Variants in DDC observed in about 807,000 individuals in gnomAD.
The protein encoded by DDC is aromatic-L-amino-acid decarboxylase.
In DDC, 43 loss-of-function variants were observed where a neutral mutation model predicts 60.0. The observed-to-expected ratio is 0.72, with a 90% CI of 0.56 to 0.92. The LOEUF (loss-of-function observed/expected upper bound fraction) is 0.92, where lower values mean the gene tolerates loss of function less well. DDC is among the 40% of genes least tolerant of loss of function. The pLI, the probability that DDC is intolerant of heterozygous loss-of-function variation, is 0.00. For synonymous variants in DDC, 232 were observed against 234.6 expected, an observed-to-expected ratio of 0.99 and a Z score of 0.10; for missense variants, 573 against 620.2, an observed-to-expected ratio of 0.92 and a Z score of 0.81.
At chr7:50,529,364 A>G (rs2044133284) in intron 4 of DDC, 22 bp from the exon 5 acceptor site, 1 of 1,614,098 alleles carries the variant, frequency 6.2e-7, no homozygotes, top group Non-Finnish European at 8.5e-7. Flanking sequence ...AGAAGGTCCA[A>G]ATGAAATCCC....
In DDC at chr7:50,534,521, C is replaced by T. The variant is rs372546887; in HGVS notation, c.435+3339G>A. On this transcript the variant is annotated intron_variant, in intron 4 of 14. Coordinates refer to ENST00000444124, the MANE Select transcript of DDC (RefSeq NM_001082971.2). ...GCTGAGGCAGGAGAATGGCTTGAAC[C>T]GGGAGGCAGTGGTTGCAGTGAGCTG... Among the ~76,000 whole-genome samples, 14 of 152,072 alleles carry T rather than the reference C, an allele frequency of 9.2e-5. No individual in the cohort carries two copies. The South Asian group carries it at 1.9e-3, about 20-fold the overall frequency.
intron 9 of DDC, among the ~76,000 whole-genome samples, chr7:50,485,782 T>C (rs1387795673): frequency 2.6e-5 from 4 of 152,184 alleles, no homozygotes; most frequent in Admixed American, 2.6e-4. Context: ...AAAAAGCCTC[T>C]GAGTAGAGAT....
At chr7:50,556,345 T>A (rs1007362512) in intron 1 of DDC, among the ~76,000 whole-genome samples, 9 of 152,298 alleles carry the variant, frequency 5.9e-5, no homozygotes, top group African/African-American at 2.2e-4. Flanking sequence ...TGTCCTCACA[T>A]GGTGAAAGGG....
At chr7:50,484,680 C>G (rs2042844084) in intron 9 of DDC, among the ~76,000 whole-genome samples, 1 of 152,160 alleles carries the variant, frequency 6.6e-6, no homozygotes, top group Non-Finnish European at 1.5e-5. Context: ...GAGAAACATG[C>G]TTTTGTGGCA....
At chr7:50,465,015 C>G (rs536649859) in intron 13 of DDC, among the ~76,000 whole-genome samples, 16 of 152,152 alleles carry the variant, frequency 1.1e-4, no homozygotes, top group Non-Finnish European at 1.8e-4. Context: ...TGAAAAATGC[C>G]TTGGACTTCC....
chr7:50,510,668 C>T (rs1446948569), intron 6 of DDC, among the ~76,000 whole-genome samples: 3 of 99,676 alleles, frequency 3.0e-5, no homozygotes, highest in African/African-American at 1.2e-4. Flanking sequence ...GACTCCATCT[C>T]AAAAAAAAAA....
intron 12 of DDC, among the ~76,000 whole-genome samples, chr7:50,468,049 G>A (rs770284223): frequency 2.6e-5 from 4 of 152,274 alleles, no homozygotes; most frequent in African/African-American, 9.6e-5. Context: ...CCTCCGTGGC[G>A]TAGGCCCGTG....
chr7:50,563,372 T>C (rs2045379603), intron 1 of DDC, among the ~76,000 whole-genome samples: 1 of 152,132 alleles, frequency 6.6e-6, no homozygotes, highest in East Asian at 1.9e-4. Context: ...TGATTCCATA[T>C]ATGTCCAATA....
chr7:50,523,141 C>A (rs940040806), intron 6 of DDC, among the ~76,000 whole-genome samples: 2 of 152,146 alleles, frequency 1.3e-5, no homozygotes, highest in African/African-American at 4.8e-5. Flanking sequence ...GACCTTACAC[C>A]TTTCACAAAA....
At chr7:50,505,116 T>C (rs776604630) in intron 6 of DDC, among the ~76,000 whole-genome samples, 1 of 152,206 alleles carries the variant, frequency 6.6e-6, no homozygotes, top group African/African-American at 2.4e-5. Context: ...GGTGCCACGA[T>C]CGCACTGGCA....
chr7:50,562,149 A>G (rs1251519693), intron 1 of DDC, among the ~76,000 whole-genome samples: 1 of 152,206 alleles, frequency 6.6e-6, no homozygotes, highest in East Asian at 1.9e-4. Context: ...AGAGATCCCC[A>G]TGGAACTGGG....
chr7:50,473,590 G>T (rs1278298656), intron 11 of DDC, among the ~76,000 whole-genome samples: 1 of 152,230 alleles, frequency 6.6e-6, no homozygotes, highest in African/African-American at 2.4e-5. Flanking sequence ...TCACCCCAGA[G>T]AGCCTCCCAA....
chr7:50,522,893 A>T (rs1017758821), intron 6 of DDC, among the ~76,000 whole-genome samples: 2 of 152,212 alleles, frequency 1.3e-5, no homozygotes, highest in African/African-American at 4.8e-5. Context: ...GCACATCTTC[A>T]TATTGCCAGC....
chr7:50,497,773 G>A (rs762978689), intron 8 of DDC, among the ~76,000 whole-genome samples: 6 of 152,144 alleles, frequency 3.9e-5, no homozygotes, highest in Non-Finnish European at 7.3e-5. Context: ...TAAGTCCTAG[G>A]TTGTATTAAG....
At position 50,544,115 on chromosome 7, in the gene DDC, T is replaced by C. The variant is rs1387770029; in HGVS notation, c.-28-2A>G. 1.2e-6 allele frequency: 2 copies of C among 1,608,892 alleles called. No individual in the cohort carries two copies. Among genetic ancestry groups the C allele is most frequent in the Non-Finnish European group, 1.7e-6 (2 of 1,175,310 alleles). ...TCTGGGCTCTGTCAGAGGTGAAAAC[T>C]GCAGAAAGAAAATGATTCAGTGAGC... On this transcript the variant is annotated splice_acceptor_variant, in intron 1 of 14. Coordinates refer to ENST00000444124, the MANE Select transcript of DDC (RefSeq NM_001082971.2). LOFTEE classifies it low-confidence loss of function (5UTR_SPLICE).
chr7:50,493,003 G>T, intron 9 of DDC: 2 of 1,597,582 alleles, frequency 1.3e-6, no homozygotes, highest in Admixed American at 1.7e-5. Context: ...TGGTTGTCTG[G>T]ACCTGAGGGC....
At chr7:50,527,437 A>G (rs1056916010) in intron 6 of DDC, among the ~76,000 whole-genome samples, 1 of 152,216 alleles carries the variant, frequency 6.6e-6, no homozygotes, top group East Asian at 1.9e-4. Flanking sequence ...TTTAAATAGA[A>G]TCTATTCAAA....
At chr7:50,504,695 G>C (rs1201578931) in intron 6 of DDC, among the ~76,000 whole-genome samples, 2 of 152,046 alleles carry the variant, frequency 1.3e-5, no homozygotes, top group African/African-American at 4.8e-5. Context: ...TAGTTTGGGG[G>C]GGTGTGTGTG....
At chr7:50,480,037 T>TA (rs957293343) in intron 9 of DDC, 174 bp from the exon 10 acceptor site, 5 of 632,588 alleles carry the variant, frequency 7.9e-6, no homozygotes, top group Admixed American at 2.6e-5. Context: ...CGTCTTAGAA[T>TA]AAAAAATAAA....
Sources: allele counts gnomAD v4.1 joint callset (sites outside exome capture counted in the v4.1 genomes callset), GRCh38; gene constraint gnomAD v4.1.1; transcripts MANE v1.5; gene names NCBI Gene and HGNC (gene_info 2026-07-23, HGNC 2026-07-21).